SPIDR: variants seen among roughly 807,000 people sequenced by gnomAD.
SPIDR encodes scaffold protein involved in DNA repair, also known as DNA repair-scaffolding protein.
In SPIDR, 93 loss-of-function variants were observed where a neutral mutation model predicts 104.6. The ratio of observed to expected loss-of-function variants is 0.89; its 90% CI spans 0.75 to 1.06. SPIDR has a LOEUF of 1.06. SPIDR is among the 50% of genes least tolerant of loss of function. The pLI is 0.00. For synonymous variants in SPIDR, 431 were observed against 416.9 expected (o/e 1.03, Z -0.41); for missense variants, 1,154 against 1,111.2 (o/e 1.04, Z -0.55).
rs1218697889 is a variant in SPIDR, at chr8:47,696,760, C to T, written c.1686-3643C>T. ...CTCCTCAAACAGAGGCACATGTCAG[C>T]GAGGGATAGCAGCAGCACTAGGAAT... On this transcript the variant is annotated intron_variant, in intron 11 of 19. Coordinates refer to ENST00000297423, the MANE Select transcript of SPIDR (RefSeq NM_001080394.4). Among the ~76,000 whole-genome samples, 3 of 152,146 alleles carry T rather than the reference C, an allele frequency of 2.0e-5. No individual in the cohort carries two copies. In the East Asian group the frequency reaches 5.8e-4, roughly 29 times the overall value.
chr8:47,339,067 T>C (rs187521156), intron 5 of SPIDR, among the ~76,000 whole-genome samples: 24 of 152,350 alleles, frequency 1.6e-4, no homozygotes, highest in Admixed American at 2.0e-4. Flanking sequence ...TGAATTTGTC[T>C]TAGTACAACT....
chr8:47,659,211 A>AT (rs2073577942), intron 10 of SPIDR, among the ~76,000 whole-genome samples: 1 of 152,152 alleles, frequency 6.6e-6, no homozygotes, highest in South Asian at 2.1e-4. Context: ...GGGAGCCGAG[A>AT]TGACAGCACG....
intron 10 of SPIDR, among the ~76,000 whole-genome samples, chr8:47,636,815 CAAA>C (rs1247296002): frequency 1.6e-4 from 18 of 109,282 alleles, no homozygotes; most frequent in Non-Finnish European, 1.4e-4. Context: ...GACCCTATCT[CAAA>C]AAAAAAAAAA....
chr8:47,642,598 G>T (rs1231846156), intron 10 of SPIDR, among the ~76,000 whole-genome samples: 3 of 152,076 alleles, frequency 2.0e-5, no homozygotes, highest in Non-Finnish European at 4.4e-5. Context: ...ACCAATAAAA[G>T]AGGAAACTTT....
At chr8:47,453,860 C>T (rs568533308) in intron 8 of SPIDR, among the ~76,000 whole-genome samples, 1 of 152,166 alleles carries the variant, frequency 6.6e-6, no homozygotes, top group Non-Finnish European at 1.5e-5. Flanking sequence ...TTTATGCAGC[C>T]AACAGACACA....
chr8:47,687,123 G>A (rs1002569642), intron 11 of SPIDR, among the ~76,000 whole-genome samples: 23 of 152,046 alleles, frequency 1.5e-4, no homozygotes, highest in Admixed American at 6.5e-4. Flanking sequence ...CACCAACAAC[G>A]GAGTGGGTTG....
chr8:47,544,836 A>C (rs2088950847), intron 8 of SPIDR, among the ~76,000 whole-genome samples: 1 of 152,206 alleles, frequency 6.6e-6, no homozygotes, highest in Non-Finnish European at 1.5e-5. Flanking sequence ...GAGTAATTTT[A>C]TCTCCACAAA....
intron 8 of SPIDR, among the ~76,000 whole-genome samples, chr8:47,517,973 T>C (rs2083416639): frequency 6.6e-6 from 1 of 152,264 alleles, no homozygotes; most frequent in South Asian, 2.1e-4. Flanking sequence ...TATTTCATTG[T>C]GTTATAGCTT....
chr8:47,582,073 C>G (rs1265898634), intron 8 of SPIDR, among the ~76,000 whole-genome samples: 2 of 152,066 alleles, frequency 1.3e-5, no homozygotes, highest in Admixed American at 6.5e-5. Flanking sequence ...AAAAATTAGC[C>G]AGGCGTGGTG....
chr8:47,282,892 G>T (rs373447460), intron 2 of SPIDR, among the ~76,000 whole-genome samples: 1 of 150,840 alleles, frequency 6.6e-6, no homozygotes, highest in East Asian at 2.0e-4. Context: ...GTCTGTCTCT[G>T]TCGCTCGGGG....
At chr8:47,707,119 T>C (rs1474194902) in intron 14 of SPIDR, among the ~76,000 whole-genome samples, 1 of 151,972 alleles carries the variant, frequency 6.6e-6, no homozygotes, top group Non-Finnish European at 1.5e-5. Flanking sequence ...CTGGGTATGG[T>C]GGTGCACGCC....
chr8:47,319,640 A>G (rs1554593069), intron 5 of SPIDR, among the ~76,000 whole-genome samples: 1 of 152,210 alleles, frequency 6.6e-6, no homozygotes, highest in Non-Finnish European at 1.5e-5. Context: ...AACAGAATAT[A>G]CATTCTTCTC....
At chr8:47,567,510 C>T (rs776075205) in intron 8 of SPIDR, among the ~76,000 whole-genome samples, 18 of 152,024 alleles carry the variant, frequency 1.2e-4, no homozygotes, top group African/African-American at 2.9e-4. Context: ...TGAGCCACCC[C>T]GCCCGGCCTG....
At chr8:47,303,649 T>G (rs2042627135) in intron 5 of SPIDR, among the ~76,000 whole-genome samples, 1 of 152,210 alleles carries the variant, frequency 6.6e-6, no homozygotes, top group African/African-American at 2.4e-5. Context: ...ATTAACGTGG[T>G]GTATCACATT....
At chr8:47,418,720 G>A in intron 7 of SPIDR, among the ~76,000 whole-genome samples, 1 of 152,128 alleles carries the variant, frequency 6.6e-6, no homozygotes, top group Non-Finnish European at 1.5e-5. Flanking sequence ...AATGCTTCCA[G>A]TTTTTGCCCA....
chr8:47,589,533 A>C (rs187671291), intron 8 of SPIDR, among the ~76,000 whole-genome samples: 68 of 152,186 alleles, frequency 4.5e-4, no homozygotes, highest in East Asian at 1.4e-3. Flanking sequence ...TCAAAACAAA[A>C]AAAAAAAATT....
chr8:47,539,139 G>C (rs1025296633), intron 8 of SPIDR, among the ~76,000 whole-genome samples: 2 of 152,006 alleles, frequency 1.3e-5, no homozygotes, highest in Non-Finnish European at 2.9e-5. Context: ...GGGATTACAG[G>C]CATGAGCCAC....
At chr8:47,685,504 TATTTATTTATTTA>T (rs2077651117) in intron 11 of SPIDR, among the ~76,000 whole-genome samples, 1 of 134,432 alleles carries the variant, frequency 7.4e-6, no homozygotes, top group Non-Finnish European at 1.7e-5. Flanking sequence ...TTTATTTATT[TATTTATTTATTTA>T]TTTTTTTGAG....
At chr8:47,345,597 A>C (rs1411391706) in intron 5 of SPIDR, among the ~76,000 whole-genome samples, 1 of 152,224 alleles carries the variant, frequency 6.6e-6, no homozygotes, top group African/African-American at 2.4e-5. Context: ...ATCCATGAGC[A>C]TGGAATGTTC....
Sources: allele counts gnomAD v4.1 joint callset (sites outside exome capture counted in the v4.1 genomes callset), GRCh38; gene constraint gnomAD v4.1.1; transcripts MANE v1.5; gene names NCBI Gene and HGNC (gene_info 2026-07-23, HGNC 2026-07-21).